The following GDA variants were observed in gnomAD, a reference collection of about 807,000 sequenced individuals.
GDA encodes guanine deaminase, also known as cytoplasmic PSD-95 interactor.
GDA carries 18 observed loss-of-function variants against 59.6 expected under a neutral mutation model. The ratio of observed to expected loss-of-function variants is 0.30; its 90% CI spans 0.21 to 0.45. The LOEUF (loss-of-function observed/expected upper bound fraction) is 0.45, where lower values mean the gene tolerates loss of function less well. Ranked by LOEUF, GDA falls within the 20% of genes least tolerant of loss-of-function variation. The pLI is 1.00. For missense variants in GDA, 427 were observed against 552.3 expected (o/e 0.77, Z 2.27); for synonymous variants, 201 against 201.1 (o/e 1.00, Z 0.00).
intron 1 of GDA, among the ~76,000 whole-genome samples, chr9:72,122,739 T>C (rs1446865591): frequency 2.6e-5 from 4 of 152,140 alleles, no homozygotes; most frequent in African/African-American, 9.7e-5. Flanking sequence ...ACAGTCTTTC[T>C]TTTTCACTGA....
chr9:72,213,832 G>T, intron 4 of GDA, 54 bp from the exon 5 acceptor site: 155 of 906,790 alleles, frequency 1.7e-4, no homozygotes, highest in Non-Finnish European at 2.6e-4. Flanking sequence ...AAAAGAAAAA[G>T]TACTGTTTCA....
intron 3 of GDA, among the ~76,000 whole-genome samples, chr9:72,209,897 G>A (rs957708954): frequency 1.4e-4 from 22 of 152,180 alleles, no homozygotes; most frequent in African/African-American, 5.3e-4. Context: ...AAATGACTGA[G>A]TGCCCTTGAG....
intron 1 of GDA, among the ~76,000 whole-genome samples, chr9:72,134,072 A>G (rs2130625687): frequency 6.6e-6 from 1 of 152,320 alleles, no homozygotes; most frequent in East Asian, 1.9e-4. Flanking sequence ...GAGGATCATG[A>G]ATAAGTGAAT....
At chr9:72,209,321 T>C (rs543901137) in intron 3 of GDA, among the ~76,000 whole-genome samples, 19 of 152,114 alleles carry the variant, frequency 1.2e-4, no homozygotes, top group Non-Finnish European at 2.2e-4. Context: ...TTGAGCCTAA[T>C]TTTCTTATGT....
intron 1 of GDA, among the ~76,000 whole-genome samples, chr9:72,128,681 C>G (rs1825928832): frequency 6.6e-6 from 1 of 152,142 alleles, no homozygotes; most frequent in African/African-American, 2.4e-5. Flanking sequence ...GTCTTCAAGC[C>G]AGCACGAAAC....
chr9:72,214,753 A>G, intron 5 of GDA: 2 of 325,284 alleles, frequency 6.1e-6, no homozygotes, highest in South Asian at 2.3e-5. Context: ...TCTTTTTTTG[A>G]GACAGACTGT....
chr9:72,192,583 AC>A (rs1483784234), intron 1 of GDA, among the ~76,000 whole-genome samples: 1 of 150,156 alleles, frequency 6.7e-6, no homozygotes, highest in Non-Finnish European at 1.5e-5. Context: ...GATCAATTCT[AC>A]TATTAAAACA....
chr9:72,128,345 G>T (rs1210293549), intron 1 of GDA, among the ~76,000 whole-genome samples: 1 of 152,034 alleles, frequency 6.6e-6, no homozygotes, highest in African/African-American at 2.4e-5. Context: ...GAGTGTGGTG[G>T]GGTGGGAGTG....
At chr9:72,173,989 A>T (rs1283756333) in intron 1 of GDA, among the ~76,000 whole-genome samples, 1 of 152,142 alleles carries the variant, frequency 6.6e-6, no homozygotes, top group Non-Finnish European at 1.5e-5. Flanking sequence ...ATGGTCAGCT[A>T]AGGGTTCTCC....
chr9:72,234,186 G>A (rs1265599421), intron 10 of GDA, among the ~76,000 whole-genome samples: 6 of 152,128 alleles, frequency 3.9e-5, no homozygotes. Context: ...CCATCTGTAT[G>A]AAACTCACAG....
At chr9:72,188,700 CAG>C (rs1832145338) in intron 1 of GDA, among the ~76,000 whole-genome samples, 1 of 152,196 alleles carries the variant, frequency 6.6e-6, no homozygotes, top group African/African-American at 2.4e-5. Flanking sequence ...AGAGCTGCCA[CAG>C]AGAGTCCTCA....
chr9:72,182,076 T>C (rs1166738151), intron 1 of GDA, among the ~76,000 whole-genome samples: 1 of 151,686 alleles, frequency 6.6e-6, no homozygotes, highest in Non-Finnish European at 1.5e-5. Context: ...AGACATGCTG[T>C]TGGAGTCTAA....
upstream of GDA, among the ~76,000 whole-genome samples, chr9:72,145,677 G>A (rs1163286228): frequency 6.6e-6 from 1 of 152,174 alleles, no homozygotes; most frequent in Non-Finnish European, 1.5e-5. Flanking sequence ...CCAGTAGTTG[G>A]GGAATTTGGG....
chr9:72,199,583 A>G (rs1833678096), intron 2 of GDA, among the ~76,000 whole-genome samples: 1 of 152,220 alleles, frequency 6.6e-6, no homozygotes, highest in Admixed American at 6.5e-5. Context: ...CTCCATCTGC[A>G]CAGGACTTTC....
At chr9:72,198,793 G>A (rs746441312) in intron 2 of GDA, among the ~76,000 whole-genome samples, 17 of 148,862 alleles carry the variant, frequency 1.1e-4, no homozygotes, top group Non-Finnish European at 2.4e-4. Flanking sequence ...CTTTATTAAT[G>A]TGTTCCATTT....
intron 7 of GDA, 149 bp downstream of exon 7, chr9:72,223,376 A>G: frequency 5.3e-6 from 3 of 569,134 alleles, no homozygotes; most frequent in Non-Finnish European, 9.4e-6. Context: ...ATAACAGGAG[A>G]GAAAGGACCC....
chr9:72,208,127 C>CA (rs1834946035), intron 3 of GDA, among the ~76,000 whole-genome samples: 2 of 144,330 alleles, frequency 1.4e-5, no homozygotes, highest in South Asian at 4.5e-4. Flanking sequence ...ACAACAACAA[C>CA]AAAAAATGGA....
At chr9:72,225,610 G>T in intron 7 of GDA, 67 bp from the exon 8 acceptor site, 1 of 754,714 alleles carries the variant, frequency 1.3e-6, no homozygotes, top group South Asian at 1.9e-5. Flanking sequence ...ACCATTTTGA[G>T]GTAGGAAGTG....
At chr9:72,258,672 GT>G (rs989637010), downstream of GDA, among the ~76,000 whole-genome samples, 4 of 152,246 alleles carry the variant, frequency 2.6e-5, no homozygotes, top group Admixed American at 1.3e-4. Context: ...TCAGGGCTCT[GT>G]CCCTGCCCAC....
Sources: gnomAD v4.1 joint callset for allele counts (sites outside exome capture counted in the v4.1 genomes callset) on GRCh38, gnomAD v4.1.1 for gene constraint, MANE v1.5 for transcripts, NCBI Gene and HGNC (gene_info 2026-07-23, HGNC 2026-07-21) for gene names.